Variants in RGS20 observed in about 807,000 individuals in gnomAD.
RGS20 encodes the protein gz-selective GTPase-activating protein.
RGS20 carries 30 observed loss-of-function variants against 33.6 expected under a neutral mutation model. The observed-to-expected ratio is 0.89, with a 90% CI of 0.67 to 1.21. The LOEUF (loss-of-function observed/expected upper bound fraction) is 1.21, where lower values mean the gene tolerates loss of function less well. Among genes scored for constraint, RGS20 ranks in the 50% most tolerant of loss-of-function variants. The pLI is 0.00. For missense variants in RGS20, 472 were observed against 502.4 expected, an observed-to-expected ratio of 0.94 and a Z score of 0.58; for synonymous variants, 208 against 197.9, an observed-to-expected ratio of 1.05 and a Z score of -0.43.
intron 1 of RGS20, among the ~76,000 whole-genome samples, chr8:53,867,760 G>A (rs1811956455): frequency 6.7e-6 from 1 of 148,962 alleles, no homozygotes; most frequent in African/African-American, 2.5e-5. Flanking sequence ...CCAAGACAGG[G>A]TCTCCGATCA....
chr8:53,937,834 A>G (rs1365127594), intron 2 of RGS20, among the ~76,000 whole-genome samples: 1 of 152,250 alleles, frequency 6.6e-6, no homozygotes, highest in Non-Finnish European at 1.5e-5. Context: ...CCACAATGAG[A>G]TACCGTCTCA....
intron 3 of RGS20, 106 bp from the exon 3 acceptor site, chr8:53,946,559 A>C (rs1237363676): frequency 2.0e-6 from 2 of 979,886 alleles, no homozygotes. Context: ...TAGAGGAAGA[A>C]ATTCTATTAA....
At position 53,943,766 on chromosome 8, in the gene RGS20, T is replaced by TC. The variant is rs377101084; in HGVS notation, c.660-2897dup. On this transcript the variant is annotated intron_variant, in intron 3 of 5. Transcript: ENST00000297313. Reference sequence around the variant, plus strand: ...ACTCCTGTCAAATTCATCTCTTTTTTCCTCTGCTTTTTCATACCCACTGAG... The same window carrying TC: ...ACTCCTGTCAAATTCATCTCTTTTTTCCCTCTGCTTTTTCATACCCACTGAG... Among the ~76,000 whole-genome samples, 660 of 152,278 alleles carry TC rather than the reference T, an allele frequency of 4.3e-3. 3 individuals carry two copies. The highest frequency in any genetic ancestry group is 0.014 in the African/African-American group (596 of 41,534).
chr8:53,881,182 C>T (rs1364089036), intron 2 of RGS20, 98 bp downstream of exon 1: 3 of 880,728 alleles, frequency 3.4e-6, no homozygotes, highest in Non-Finnish European at 4.8e-6. Flanking sequence ...GCGCGCCGCT[C>T]GTCCGGACCT....
intron 2 of RGS20, among the ~76,000 whole-genome samples, chr8:53,924,782 A>C (rs1813748022): frequency 6.6e-6 from 1 of 152,338 alleles, no homozygotes; most frequent in African/African-American, 2.4e-5. Flanking sequence ...GACAATTCAG[A>C]ATTTCTGCCC....
At chr8:53,884,296 A>C (rs1812477950) in intron 2 of RGS20, among the ~76,000 whole-genome samples, 6 of 150,318 alleles carry the variant, frequency 4.0e-5, no homozygotes, top group Admixed American at 4.0e-4. Context: ...CCCAGATTCA[A>C]AGGATCCTCC....
intron 2 of RGS20, among the ~76,000 whole-genome samples, chr8:53,887,806 G>A (rs913134713): frequency 5.3e-5 from 8 of 151,678 alleles, no homozygotes; most frequent in Admixed American, 1.3e-4. Context: ...GTGAAACCCC[G>A]TCTCTTTAAA....
At chr8:53,944,272 G>A (rs1316057675) in intron 3 of RGS20, among the ~76,000 whole-genome samples, 1 of 152,154 alleles carries the variant, frequency 6.6e-6, no homozygotes, top group Non-Finnish European at 1.5e-5. Context: ...AGGCGCGATG[G>A]CTCACGCCTG....
At chr8:53,899,091 GC>G (rs999815080) in intron 2 of RGS20, among the ~76,000 whole-genome samples, 15 of 152,266 alleles carry the variant, frequency 9.9e-5, no homozygotes, top group Admixed American at 7.8e-4. Flanking sequence ...CAGGCAGCTG[GC>G]CCCCACACTA....
intron 3 of RGS20, 82 bp downstream of exon 2, chr8:53,939,806 A>C: frequency 4.2e-6 from 6 of 1,440,432 alleles, no homozygotes; most frequent in Non-Finnish European, 5.6e-6. Context: ...CACCCCTGAA[A>C]GTGGTGGCAG....
At chr8:53,871,707 A>G (rs146295936) in intron 1 of RGS20, among the ~76,000 whole-genome samples, 226 of 152,252 alleles carry the variant, frequency 1.5e-3, no homozygotes, top group African/African-American at 5.1e-3. Flanking sequence ...TAGAGGACAG[A>G]GAGATCTTTC....
At chr8:53,932,870 G>A (rs546012089) in intron 2 of RGS20, among the ~76,000 whole-genome samples, 34 of 152,288 alleles carry the variant, frequency 2.2e-4, no homozygotes, top group Non-Finnish European at 5.0e-4. Flanking sequence ...TCATACAGGA[G>A]CGCTCCAACT....
rs115349134 is a variant in RGS20 at position 53,955,937 on chromosome 8, C to T, written c.978+1627C>T. On this transcript the variant is annotated intron_variant, in intron 5 of 5. Coordinates refer to ENST00000297313, the MANE Select transcript of RGS20 (RefSeq NM_170587.4). ...CTATTAGTTATTTCCTACTATGTGCCGACAGGAATGTCAAGTTGAAGAAGC... is the reference window on the plus strand; with the variant it reads ...CTATTAGTTATTTCCTACTATGTGCTGACAGGAATGTCAAGTTGAAGAAGC... Among the ~76,000 whole-genome samples, 612 of 152,122 alleles carry T rather than the reference C, an allele frequency of 4.0e-3. 2 individuals are homozygous for T. Among genetic ancestry groups the T allele is most frequent in the East Asian group, 0.017 (87 of 5,172 alleles).
chr8:53,863,278 C>T (rs777203161), intron 1 of RGS20, among the ~76,000 whole-genome samples: 7 of 152,136 alleles, frequency 4.6e-5, no homozygotes, highest in Non-Finnish European at 7.3e-5. Context: ...CGAGCCACAG[C>T]GCCCGGCCAT....
At chr8:53,926,986 G>A (rs1232269372) in intron 2 of RGS20, among the ~76,000 whole-genome samples, 2 of 152,126 alleles carry the variant, frequency 1.3e-5, no homozygotes, top group Admixed American at 6.6e-5. Flanking sequence ...CTAGTTACTG[G>A]TTTCAATTCC....
intron 2 of RGS20, 22 bp downstream of exon 1, chr8:53,881,106 A>G: frequency 6.8e-7 from 1 of 1,479,168 alleles, no homozygotes; most frequent in African/African-American, 1.5e-5. Context: ...AGTTCCTCGA[A>G]CTCTCTTTCT....
At chr8:53,889,398 T>TTCTTTC (rs1554519393) in intron 2 of RGS20, among the ~76,000 whole-genome samples, 1 of 124,144 alleles carries the variant, frequency 8.1e-6, no homozygotes, top group Non-Finnish European at 1.6e-5. Flanking sequence ...CTTTCTTTCT[T>TTCTTTC]TCTCTCTCTC....
intron 5 of RGS20, 96 bp from the exon 5 acceptor site, chr8:53,958,174 C>G: frequency 1.1e-6 from 1 of 935,378 alleles, no homozygotes; most frequent in Non-Finnish European, 1.5e-6. Context: ...AAACAAAAAA[C>G]AAAAACAACA....
chr8:53,913,085 C>T (rs1813391998), intron 2 of RGS20, among the ~76,000 whole-genome samples: 1 of 151,974 alleles, frequency 6.6e-6, no homozygotes, highest in South Asian at 2.1e-4. Flanking sequence ...CCTGCCTCGG[C>T]CTCCCAAGTA....
Sources: allele counts gnomAD v4.1 joint callset (sites outside exome capture counted in the v4.1 genomes callset), GRCh38; gene constraint gnomAD v4.1.1; transcripts MANE v1.5; gene names NCBI Gene and HGNC (gene_info 2026-07-23, HGNC 2026-07-21).